The following TNK1 variants were observed in gnomAD, a reference collection of about 807,000 sequenced individuals.
The protein encoded by TNK1 is non-receptor tyrosine-protein kinase TNK1.
Under a neutral mutation model 65.2 loss-of-function variants are expected in TNK1, and 53 were observed. The ratio of observed to expected loss-of-function variants is 0.81; its 90% CI spans 0.65 to 1.02. The LOEUF is 1.02. TNK1 is among the 50% of genes least tolerant of loss of function. TNK1 has a pLI of 0.00. For synonymous variants in TNK1, 353 were observed against 364.6 expected, an observed-to-expected ratio of 0.97 and a Z score of 0.36; for missense variants, 837 against 878.4, an observed-to-expected ratio of 0.95 and a Z score of 0.60.
At chr17:7,383,145 C>A in intron 2 of TNK1, 56 bp downstream of exon 2, 1 of 1,611,876 alleles carries the variant, frequency 6.2e-7, no homozygotes. Context: ...TATCAGTTGC[C>A]TTCCCCCACC....
In TNK1 at chr17:7,382,892, G is replaced by C; in HGVS notation, c.-35G>C. Reference sequence around the variant, plus strand: ...TACCCTGAGCTCACCATCTGAAGGAGAGTGCCATCATCCTTAGGAACTCCT... The same window carrying C: ...TACCCTGAGCTCACCATCTGAAGGACAGTGCCATCATCCTTAGGAACTCCT... On this transcript the variant is annotated 5_prime_UTR_variant, in exon 2 of 13. Coordinates refer to ENST00000688331, the MANE Select transcript of TNK1 (RefSeq NM_003985.6). This position sits in a 1 kb window ranked among gnomAD's most constrained non-coding sequence, Gnocchi z 4.1. 2.5e-6 allele frequency: 4 copies of C among 1,610,524 alleles called. No homozygotes were observed. Among genetic ancestry groups the C allele is most frequent in the Non-Finnish European group, 3.4e-6 (4 of 1,177,936 alleles).
intron 7 of TNK1, 61 bp downstream of exon 7, chr17:7,384,815 G>A (rs1905091095): frequency 2.6e-6 from 4 of 1,518,622 alleles, no homozygotes; most frequent in Admixed American, 2.0e-5. Context: ...CTCTCCCAGG[G>A]TTCCATGCGA....
Position 7,384,218 on chromosome 17 carries a change from C to A in TNK1, c.831C>A (p.Tyr277Ter). Residue 277 changes from tyrosine (Y) to a stop codon, truncating the protein, a stop_gained, in exon 6 of 13, where the codon TAC (tyrosine) becomes TAA (stop). Coordinates refer to ENST00000688331, the MANE Select transcript of TNK1 (RefSeq NM_003985.6). LOFTEE classifies it high-confidence loss of function. ...CTCTGGGCGGTGCCCGGGGCCGCTACGTCATGGGCGGGCCCCGCCCTATCC... is the reference window on the plus strand; with the variant it reads ...CTCTGGGCGGTGCCCGGGGCCGCTAAGTCATGGGCGGGCCCCGCCCTATCC... ...VRPLGGARGR[Y>*]VMGGPRPIPY... 2 of 1,513,260 alleles carry A rather than the reference C, an allele frequency of 1.3e-6. No individual in the cohort carries two copies. Among genetic ancestry groups the A allele is most frequent in the Middle Eastern group, 2.3e-4 (1 of 4,292 alleles). The allele number at this position is 1,513,260 out of a possible 1,614,324, so 93.7% of individuals were successfully genotyped here. A position where few individuals can be genotyped will look rare whatever the true frequency, so the allele number is the denominator to read the frequency against.
chr17:7,383,656 C>T (rs969561637), intron 4 of TNK1, 40 bp downstream of exon 4: 15 of 1,597,020 alleles, frequency 9.4e-6, no homozygotes, highest in Admixed American at 3.4e-5. Flanking sequence ...GGCCAGCTGC[C>T]CCCTCTGTTC....
chr17:7,385,680 T>C lies in TNK1; in HGVS notation c.1138-881T>C, dbSNP rs550849197. ...CCTGGGTTCAAGCAATTCTCCTGTT[T>C]CAGCCTCCCGAGTAGCTGGGATTAC... On this transcript the variant is annotated intron_variant, in intron 7 of 12. Transcript: ENST00000688331. Among the ~76,000 whole-genome samples, 841 of 152,166 alleles carry C rather than the reference T, an allele frequency of 5.5e-3. 3 individuals carry two copies. The highest frequency in any genetic ancestry group is 0.01 in the Middle Eastern group (3 of 292).
At chr17:7,381,745 G>GC (rs1217519042) in intron 1 of TNK1, among the ~76,000 whole-genome samples, 1 of 152,200 alleles carries the variant, frequency 6.6e-6, no homozygotes, top group Non-Finnish European at 1.5e-5. Flanking sequence ...GGGTCCCTAT[G>GC]CCCCCATAGC....
chr17:7,384,748 G>A lies in TNK1; in HGVS notation c.1131G>A (p.Leu377=). The part of the protein sequence containing the change: ...RPSFSHLEGL[L]QEAGPSEACC... ...GCTTTTCCCACCTGGAGGGGCTGCT[G>A]CAAGAGGTGGGAACCCCCGACCTCA... Residue 377 remains leucine (L), a synonymous_variant, in exon 7 of 13, where the codon CTG becomes CTA. Transcript: ENST00000688331. 1 of 1,574,392 alleles carries A rather than the reference G, an allele frequency of 6.4e-7. No individual in the cohort carries two copies. The highest frequency in any genetic ancestry group is 8.6e-7 in the Non-Finnish European group (1 of 1,166,248).
At chr17:7,386,829 C>G (rs1905205120) in intron 8 of TNK1, 161 bp from the exon 9 acceptor site, 1 of 1,161,878 alleles carries the variant, frequency 8.6e-7, no homozygotes, top group Middle Eastern at 2.0e-4. Context: ...GCTGGAGCCA[C>G]TGCTGGCCCA....
chr17:7,384,568 C>T lies in TNK1; in HGVS notation c.951C>T (p.Phe317=), dbSNP rs777755941. The change falls in exon 7 of 13, where the codon TTC becomes TTT. Residue 317 remains phenylalanine, a synonymous_variant. Transcript: ENST00000688331. ...TTGGGGTGACGCTGTGGGAGATGTT[C>T]TCCGGGGGCGAGGAACCCTGGGCCG... The part of the protein sequence containing the change: ...WMFGVTLWEM[F]SGGEEPWAGV... 8 of 1,611,620 alleles carry T rather than the reference C, an allele frequency of 5.0e-6. No homozygotes were observed. The highest frequency in any genetic ancestry group is 6.8e-6 in the Non-Finnish European group (8 of 1,178,888).
In TNK1 at chr17:7,386,630, G is replaced by T; in HGVS notation, c.1207G>T (p.Asp403Tyr). The T allele has an allele frequency of 6.3e-7, 1 of 1,599,096 alleles. No homozygotes were observed. The highest frequency in any genetic ancestry group is 1.1e-5 in the South Asian group (1 of 88,162). ...EPGALRMETG[D>Y]PITVIEGSPD... The stretch of plus-strand genomic sequence containing the variant: ...AGGCGCCCTGAGGATGGAGACTGGT[G>T]ACCCCATCACAGTCATCGAGGGCAG... Residue 403 changes from aspartate to tyrosine, a missense_variant, in exon 8 of 13, where the codon GAC becomes TAC. By Grantham distance (160) the Asp-to-Tyr change is radical. Coordinates refer to ENST00000688331, the MANE Select transcript of TNK1 (RefSeq NM_003985.6).
intron 1 of TNK1, among the ~76,000 whole-genome samples, 189 bp downstream of exon 1, chr17:7,381,303 A>G (rs1247551309): frequency 2.0e-5 from 3 of 152,070 alleles, no homozygotes; most frequent in South Asian, 2.1e-4. Flanking sequence ...CGGGTCCCCC[A>G]GGGTCCTGGG....
In TNK1 at chr17:7,389,122, C is replaced by A. The variant is rs1307144318; in HGVS notation, c.*38C>A. On this transcript the variant is annotated 3_prime_UTR_variant, in exon 13 of 13. Transcript: ENST00000688331. ...CGGGCACAGACACCAGCATGAAAAG[C>A]CTAGGCCCCTGAGGGCCTGGCCACA... is the stretch of plus-strand genomic sequence containing the variant. 6.6e-7 allele frequency: 1 copy of A among 1,514,662 alleles called. No individual in the cohort carries two copies. The highest frequency in any genetic ancestry group is 9.0e-7 in the Non-Finnish European group (1 of 1,115,242). The allele number at this position is 1,514,662 out of a possible 1,614,324, so 93.8% of individuals were successfully genotyped here. A position where few individuals can be genotyped will look rare whatever the true frequency, so the allele number is the denominator to read the frequency against.
rs1462852807 is a variant in TNK1 at position 7,385,674 on chromosome 17, C to T, written c.1138-887C>T. Reference sequence around the variant, plus strand: ...CCGCCTCCTGGGTTCAAGCAATTCTCCTGTTTCAGCCTCCCGAGTAGCTGG... The same window carrying T: ...CCGCCTCCTGGGTTCAAGCAATTCTTCTGTTTCAGCCTCCCGAGTAGCTGG... On this transcript the variant is annotated intron_variant, in intron 7 of 12. Transcript: ENST00000688331. 2.6e-5 allele frequency among the ~76,000 whole-genome samples: 4 copies of T among 152,204 alleles called. No homozygotes were observed. The East Asian group carries it at 7.8e-4, about 30-fold the overall frequency.
rs111275296 is a variant in TNK1, at chr17:7,385,651, G to A, written c.1137+897G>A. 3.4e-3 allele frequency among the ~76,000 whole-genome samples: 514 copies of A among 152,070 alleles called. 4 individuals carry two copies. Among genetic ancestry groups the A allele is most frequent in the African/African-American group, 0.012 (480 of 41,466 alleles). On this transcript the variant is annotated intron_variant, in intron 7 of 12. Coordinates refer to ENST00000688331, the MANE Select transcript of TNK1 (RefSeq NM_003985.6). ...GGGATCTTGGCTCACTGCAACCTCC[G>A]CCTCCTGGGTTCAAGCAATTCTCCT...
Position 7,383,484 on chromosome 17 carries a change from G to A in TNK1, c.294G>A (p.Arg98=). The change falls in exon 4 of 13, where the codon CGG becomes CGA. Residue 98 remains arginine (R), a synonymous_variant. Coordinates refer to ENST00000688331, the MANE Select transcript of TNK1 (RefSeq NM_003985.6). ...KEPTLPSDSP[R]HLPEPEGGLK... Reference sequence around the variant, plus strand: ...CCACCCTGCCCTCGGACAGCCCACGGCACCTCCCTGAGCCAGAGGGGGGCC... The same window carrying A: ...CCACCCTGCCCTCGGACAGCCCACGACACCTCCCTGAGCCAGAGGGGGGCC... 1 of 1,613,882 alleles carries A rather than the reference G, an allele frequency of 6.2e-7. No individual in the cohort carries two copies. The highest frequency in any genetic ancestry group is 8.5e-7 in the Non-Finnish European group (1 of 1,179,882).
rs1000533068 is a variant in TNK1, at chr17:7,388,340, G to A, written c.1478-66G>A. 26 of 1,497,432 alleles carry A rather than the reference G, an allele frequency of 1.7e-5. No homozygotes were observed. Among genetic ancestry groups the A allele is most frequent in the Admixed American group, 1.5e-4 (7 of 47,382 alleles). The allele number at this position is 1,497,432 out of a possible 1,614,324, so 92.8% of individuals were successfully genotyped here. A position where few individuals can be genotyped will look rare whatever the true frequency, so the allele number is the denominator to read the frequency against. On this transcript the variant is annotated intron_variant, in intron 10 of 12. Transcript: ENST00000688331. The surrounding 1 kb of genome is among the most constrained non-coding windows in gnomAD (Gnocchi z 4.5). ...CTCGGGAGGCTGAGGTGGGAGGATC[G>A]CTTGAGCCCGGGAGGCGGAGGCTGC...
chr17:7,380,085 C>T (rs962646328), upstream of TNK1, among the ~76,000 whole-genome samples: 3 of 152,104 alleles, frequency 2.0e-5, no homozygotes, highest in Non-Finnish European at 4.4e-5. Context: ...TCACACTTTC[C>T]CTTACAGACA....
chr17:7,382,814 G>A lies in TNK1; in HGVS notation c.-91-22G>A, dbSNP rs965986044. ...CTGCTGTGTCCCTGCCTCTGTACCTGAGTGTTTCTAATGACTTGCAGGTGG... is the reference window on the plus strand; with the variant it reads ...CTGCTGTGTCCCTGCCTCTGTACCTAAGTGTTTCTAATGACTTGCAGGTGG... On this transcript the variant is annotated intron_variant, in intron 1 of 12. Coordinates refer to ENST00000688331, the MANE Select transcript of TNK1 (RefSeq NM_003985.6). This position sits in a 1 kb window ranked among gnomAD's most constrained non-coding sequence, Gnocchi z 4.1. 2.6e-6 allele frequency: 3 copies of A among 1,157,894 alleles called. No individual in the cohort carries two copies. In the East Asian group the frequency reaches 7.2e-5, roughly 28 times the overall value. 71.7% of individuals were successfully genotyped at this position (1,157,894 alleles called of 1,614,324 possible). A position where few individuals can be genotyped will look rare whatever the true frequency, so the allele number is the denominator to read the frequency against.
At position 7,383,989 on chromosome 17, in the gene TNK1, T is replaced by C; in HGVS notation, c.602T>C (p.Leu201Pro). 1 of 1,496,240 alleles carries C rather than the reference T, an allele frequency of 6.7e-7. No individual in the cohort carries two copies. The highest frequency in any genetic ancestry group is 8.9e-7 in the Non-Finnish European group (1 of 1,125,630). The allele number at this position is 1,496,240 out of a possible 1,614,324, so 92.7% of individuals were successfully genotyped here. ...PLQMVMELAP[L>P]GSLHARLTAP... ...CTGCAGGTGATGGAGCTGGCGCCAC[T>C]GGGCTCCCTGCACGCGCGCCTAACG... The change falls in exon 6 of 13, where the codon CTG (leucine) becomes CCG (proline). Residue 201 changes from leucine (L) to proline (P), a missense_variant. By Grantham distance (98) the Leu-to-Pro change is moderately conservative. Transcript: ENST00000688331.
Sources: allele counts gnomAD v4.1 joint callset (sites outside exome capture counted in the v4.1 genomes callset), GRCh38; gene constraint gnomAD v4.1.1; non-coding constraint Gnocchi (gnomAD v3.1); transcripts MANE v1.5; gene names NCBI Gene and HGNC (gene_info 2026-07-23, HGNC 2026-07-21).